DEFB1: variants seen among roughly 807,000 people sequenced by gnomAD.
DEFB1 encodes the protein beta-defensin 1.
A neutral mutation model predicts 2.6 loss-of-function variants in DEFB1; 4 were observed. The ratio of observed to expected loss-of-function variants is 1.53; its 90% CI spans 0.76 to 3.51. The LOEUF is 3.51. Among genes scored for constraint, DEFB1 ranks in the 30% most tolerant of loss-of-function variants. The pLI is 0.01. For missense variants in DEFB1, 162 were observed against 76.9 expected (o/e 2.11, Z -4.14); for synonymous variants, 56 against 28.5 (o/e 1.96, Z -3.07).
intron 1 of DEFB1, among the ~76,000 whole-genome samples, chr8:6,872,320 T>C (rs2117209339): frequency 1.3e-5 from 2 of 152,336 alleles, no homozygotes; most frequent in South Asian, 4.1e-4. Flanking sequence ...TGTTCTCTTT[T>C]AGGTTAATTG....
intron 1 of DEFB1, among the ~76,000 whole-genome samples, chr8:6,876,538 A>G (rs1563398714): frequency 6.6e-6 from 1 of 152,100 alleles, no homozygotes; most frequent in Non-Finnish European, 1.5e-5. Context: ...GCTCATGCCT[A>G]TAATCCCAGA....
At chr8:6,875,164 T>C (rs1174140317) in intron 1 of DEFB1, among the ~76,000 whole-genome samples, 1 of 151,672 alleles carries the variant, frequency 6.6e-6, no homozygotes, top group Non-Finnish European at 1.5e-5. Context: ...GATAAGCTTT[T>C]AGAAGACAAT....
intron 1 of DEFB1, among the ~76,000 whole-genome samples, chr8:6,871,230 TC>T (rs1000836638): frequency 6.6e-6 from 1 of 152,200 alleles, no homozygotes; most frequent in African/African-American, 2.4e-5. Flanking sequence ...CTTCCCTCCT[TC>T]CATGCCTTCA....
chr8:6,871,510 A>C (rs115847419), intron 1 of DEFB1, among the ~76,000 whole-genome samples: 3,097 of 152,262 alleles, frequency 0.02, 107 homozygotes, highest in African/African-American at 0.069. Context: ...GCAGGCCGCC[A>C]TGTTGCAAGT....
At chr8:6,874,560 T>G (rs969384879) in intron 1 of DEFB1, among the ~76,000 whole-genome samples, 1 of 152,116 alleles carries the variant, frequency 6.6e-6, no homozygotes, top group Non-Finnish European at 1.5e-5. Flanking sequence ...AATGTGCTTA[T>G]GGCACAAGGA....
intron 1 of DEFB1, among the ~76,000 whole-genome samples, chr8:6,874,402 C>A (rs989444731): frequency 2.0e-5 from 3 of 152,176 alleles, no homozygotes; most frequent in African/African-American, 7.2e-5. Flanking sequence ...CCATGGGAAT[C>A]CCCAGAGGTT....
At chr8:6,870,922 C>A in intron 1 of DEFB1, 96 bp from the exon 2 acceptor site, 1 of 1,336,614 alleles carries the variant, frequency 7.5e-7, no homozygotes, top group South Asian at 1.5e-5. Flanking sequence ...CTGCAAAACA[C>A]CGGAGAGTCT....
intron 1 of DEFB1, among the ~76,000 whole-genome samples, chr8:6,874,719 T>C (rs1806455778): frequency 6.6e-6 from 1 of 152,172 alleles, no homozygotes; most frequent in Non-Finnish European, 1.5e-5. Context: ...TGGTGGCTCA[T>C]GGCTGTAATC....
At chr8:6,876,845 C>CAAAAAAAAAAAAAAAAAAAA (rs34563802) in intron 1 of DEFB1, among the ~76,000 whole-genome samples, 1 of 57,926 alleles carries the variant, frequency 1.7e-5, no homozygotes, top group Non-Finnish European at 3.2e-5. Flanking sequence ...AACCAAAAAC[C>CAAAAAAAAAAAAAAAAAAAA]AAAAAAAAAA....
intron 1 of DEFB1, among the ~76,000 whole-genome samples, chr8:6,876,889 G>A (rs369376529): frequency 1.3e-5 from 2 of 149,604 alleles, no homozygotes; most frequent in East Asian, 3.9e-4. Context: ...GCAACTGGCA[G>A]CATGAAAAGT....
intron 1 of DEFB1, among the ~76,000 whole-genome samples, chr8:6,875,269 G>T (rs759057433): frequency 6.6e-6 from 1 of 152,214 alleles, no homozygotes; most frequent in African/African-American, 2.4e-5. Flanking sequence ...TGACACATTC[G>T]ACTACATTGA....
chr8:6,871,599 GA>G (rs1273832150), intron 1 of DEFB1, among the ~76,000 whole-genome samples: 1 of 152,174 alleles, frequency 6.6e-6, no homozygotes, highest in Non-Finnish European at 1.5e-5. Context: ...CAGTGCCTCA[GA>G]AGGTGATTGT....
intron 1 of DEFB1, among the ~76,000 whole-genome samples, chr8:6,871,763 T>C (rs899130630): frequency 6.6e-6 from 1 of 152,174 alleles, no homozygotes; most frequent in Non-Finnish European, 1.5e-5. Flanking sequence ...GCGGCGGTCA[T>C]CTACCAGCCA....
chr8:6,877,673 C>T (rs545876721), intron 1 of DEFB1, 124 bp downstream of exon 1: 51 of 859,400 alleles, frequency 5.9e-5, no homozygotes, highest in African/African-American at 1.9e-4. Flanking sequence ...CACTCAACCA[C>T]GGGATGCTTT....
chr8:6,876,683 G>C (rs900297341), intron 1 of DEFB1, among the ~76,000 whole-genome samples: 4 of 151,602 alleles, frequency 2.6e-5, no homozygotes, highest in African/African-American at 9.7e-5. Context: ...CATGCCTGTA[G>C]TCACAGTTTC....
In DEFB1 at chr8:6,877,901, C is replaced by T. The variant is rs1800972; in HGVS notation, c.-44G>A. 16 of 1,594,062 alleles carry T rather than the reference C, an allele frequency of 1.0e-5. No individual in the cohort carries two copies. Among genetic ancestry groups the T allele is most frequent in the African/African-American group, 2.7e-5 (2 of 74,640 alleles). ...CCCAGGATTTCAGGAACTGGGGAGA[C>T]GCTGGCTCCTTTGGAGGCTGAGCTG... On this transcript the variant is annotated 5_prime_UTR_variant, in exon 1 of 2. Coordinates refer to ENST00000297439, the MANE Select transcript of DEFB1 (RefSeq NM_005218.4).
At chr8:6,873,647 T>C (rs1236498572) in intron 1 of DEFB1, among the ~76,000 whole-genome samples, 1 of 151,924 alleles carries the variant, frequency 6.6e-6, no homozygotes, top group East Asian at 1.9e-4. Flanking sequence ...AAGTGGGGGC[T>C]AAACACTGAG....
In DEFB1 at chr8:6,870,668, G is replaced by C. The variant is rs745633692; in HGVS notation, c.*13C>G. On this transcript the variant is annotated 3_prime_UTR_variant, in exon 2 of 2. Transcript: ENST00000297439. ...ATTTCACTTCTGCGTCATTTCTTCTGGTCACTCCCAGCTCACTTGCAGCAC... is the reference window on the plus strand; with the variant it reads ...ATTTCACTTCTGCGTCATTTCTTCTCGTCACTCCCAGCTCACTTGCAGCAC... 3.7e-6 allele frequency: 6 copies of C among 1,606,804 alleles called. No homozygotes were observed. The highest frequency in any genetic ancestry group is 2.2e-5 in the East Asian group (1 of 44,850).
Position 6,876,859 on chromosome 8 carries a change from A to C in DEFB1, c.61+938T>G, listed in dbSNP as rs941526736. On this transcript the variant is annotated intron_variant, in intron 1 of 1. Coordinates refer to ENST00000297439, the MANE Select transcript of DEFB1 (RefSeq NM_005218.4). ...AAACCAAAAACCAAAAAAAAAAACA[A>C]AAAAACAAAATCCATTGTAGCAACT... Among the ~76,000 whole-genome samples, 432 of 151,496 alleles carry C rather than the reference A, an allele frequency of 2.9e-3. 4 individuals are homozygous for C. Among genetic ancestry groups the C allele is most frequent in the Non-Finnish European group, 4.6e-3 (313 of 67,904 alleles).
Sources: allele counts gnomAD v4.1 joint callset (sites outside exome capture counted in the v4.1 genomes callset), GRCh38; gene constraint gnomAD v4.1.1; transcripts MANE v1.5; gene names NCBI Gene and HGNC (gene_info 2026-07-23, HGNC 2026-07-21).